Variants in PAMR1 observed in about 807,000 individuals in gnomAD.
The protein encoded by PAMR1 is inactive serine protease PAMR1.
Under a neutral mutation model 81.8 loss-of-function variants are expected in PAMR1, and 88 were observed. The ratio of observed to expected loss-of-function variants is 1.08; its 90% confidence interval spans 0.91 to 1.28. The LOEUF is 1.28. PAMR1 is among the 50% of genes most tolerant of loss of function. The pLI, the probability that PAMR1 is intolerant of heterozygous loss-of-function variation, is 0.00. For missense variants in PAMR1, 935 were observed against 919.7 expected (o/e 1.02, Z -0.21); for synonymous variants, 336 against 345.3 (o/e 0.97, Z 0.30).
At chr11:35,456,434 G>T (rs1296911910) in intron 6 of PAMR1, among the ~76,000 whole-genome samples, 1 of 152,222 alleles carries the variant, frequency 6.6e-6, no homozygotes, top group African/African-American at 2.4e-5. Context: ...CAGGTAGAAT[G>T]CTGAGTTAAA....
Position 35,512,797 on chromosome 11 carries a change from A to C in PAMR1, c.73+12716T>G, listed in dbSNP as rs1486413423. On this transcript the variant is annotated intron_variant, in intron 1 of 10. Transcript: ENST00000619888. ...CTCTTGAGCCCAGGAGTTTGACACC[A>C]GCCTGGACAGCACAGCGAGACCCCA... Among the ~76,000 whole-genome samples, 2 of 152,206 alleles carry C rather than the reference A, an allele frequency of 1.3e-5. 1 individual carries two copies. The highest frequency in any genetic ancestry group is 4.8e-5 in the African/African-American group (2 of 41,450).
chr11:35,479,709 A>C lies in PAMR1; in HGVS notation c.380-4965T>G, dbSNP rs564715865. On this transcript the variant is annotated intron_variant, in intron 3 of 10. Coordinates refer to ENST00000619888, the MANE Select transcript of PAMR1 (RefSeq NM_001001991.3). ...TGAAGACCCTAAGGGCTCTCACATC[A>C]AGAGATGGTTTCGTGGAGAGGATAA... Among the ~76,000 whole-genome samples, 3 of 152,342 alleles carry C rather than the reference A, an allele frequency of 2.0e-5. No homozygotes were observed. The South Asian group carries it at 6.2e-4, about 32-fold the overall frequency.
chr11:35,519,612 CCT>C (rs999606473), intron 1 of PAMR1, among the ~76,000 whole-genome samples: 1 of 152,150 alleles, frequency 6.6e-6, no homozygotes, highest in Non-Finnish European at 1.5e-5. Flanking sequence ...GCCTGGCACC[CCT>C]GTTTCCTCTA....
chr11:35,460,191 G>A (rs1398686213), intron 6 of PAMR1, among the ~76,000 whole-genome samples: 4 of 152,186 alleles, frequency 2.6e-5, no homozygotes, highest in Non-Finnish European at 4.4e-5. Context: ...TTAAGGAAAT[G>A]TGGGGTTCTA....
In PAMR1 at chr11:35,494,271, C is replaced by G. The variant is rs1850682360; in HGVS notation, c.75G>C (p.Glu25Asp). The stretch of plus-strand genomic sequence containing the variant: ...GGCAGGCTTCATTAATGACTGTGTA[C>G]TCTGAAATGGAAAACCAGCAGGTGA... The part of the protein sequence containing the change: ...QLLLISSLPR[E>D]YTVINEACPG... Residue 25 changes from glutamate to aspartate, a missense_variant and splice_region_variant, in exon 2 of 11, where the codon GAG becomes GAC. Glu to Asp is a conservative substitution (Grantham distance 45, BLOSUM62 2). Coordinates refer to ENST00000619888, the MANE Select transcript of PAMR1 (RefSeq NM_001001991.3). 5.6e-6 allele frequency: 9 copies of G among 1,613,466 alleles called. No homozygotes were observed. Among genetic ancestry groups the G allele is most frequent in the Non-Finnish European group, 7.6e-6 (9 of 1,179,664 alleles).
At chr11:35,483,987 T>G in intron 3 of PAMR1, among the ~76,000 whole-genome samples, 1 of 152,198 alleles carries the variant, frequency 6.6e-6, no homozygotes, top group East Asian at 1.9e-4. Flanking sequence ...TTATCTTTCT[T>G]CTCTGGCCCT....
intron 6 of PAMR1, among the ~76,000 whole-genome samples, chr11:35,445,010 T>C (rs751723299): frequency 2.0e-5 from 3 of 152,232 alleles, no homozygotes; most frequent in Non-Finnish European, 2.9e-5. Flanking sequence ...TCCTCTCTGA[T>C]TTCCTTGAGC....
upstream of PAMR1, among the ~76,000 whole-genome samples, chr11:35,527,641 A>G (rs987073776): frequency 6.6e-6 from 1 of 152,198 alleles, no homozygotes; most frequent in African/African-American, 2.4e-5. Flanking sequence ...GGGAGTGGGA[A>G]GAAGATGACT....
chr11:35,490,110 G>A (rs917020828), intron 3 of PAMR1, among the ~76,000 whole-genome samples: 3 of 152,352 alleles, frequency 2.0e-5, no homozygotes, highest in Admixed American at 6.5e-5. Context: ...AGGCAAGAGA[G>A]CTTATGCAGG....
intron 6 of PAMR1, among the ~76,000 whole-genome samples, chr11:35,464,220 A>G (rs747007717): frequency 2.0e-5 from 3 of 152,258 alleles, no homozygotes; most frequent in African/African-American, 7.2e-5. Flanking sequence ...AGCAATATCA[A>G]GTCCATCTTA....
rs1590309412 is a variant in PAMR1, at chr11:35,432,282, C to T, written c.*74G>A. 2 of 1,402,078 alleles carry T rather than the reference C, an allele frequency of 1.4e-6. No individual in the cohort carries two copies. The highest frequency in any genetic ancestry group is 4.6e-5 in the East Asian group (2 of 43,728). The allele number at this position is 1,402,078 out of a possible 1,614,324, so 86.9% of individuals were successfully genotyped here. ...CACAGGCCAAATCACACTTCAGGCC[C>T]ACACTGCTTCACGCAATGACACACG... is the stretch of plus-strand genomic sequence containing the variant. On this transcript the variant is annotated 3_prime_UTR_variant, in exon 11 of 11. Transcript: ENST00000619888.
intron 6 of PAMR1, among the ~76,000 whole-genome samples, chr11:35,458,019 C>T (rs1192956154): frequency 6.6e-6 from 1 of 152,096 alleles, no homozygotes; most frequent in Non-Finnish European, 1.5e-5. Context: ...GTAGAAGGAG[C>T]ATAAAAGTAC....
At position 35,434,818 on chromosome 11, in the gene PAMR1, A is replaced by T. The variant is rs1186972612; in HGVS notation, c.1334-14T>A. Reference sequence around the variant, plus strand: ...TTTTCCCGCAGACTATGGAGAAAGTACCAGCTTAGTAAGATAAACTCAGAC... The same window carrying T: ...TTTTCCCGCAGACTATGGAGAAAGTTCCAGCTTAGTAAGATAAACTCAGAC... On this transcript the variant is annotated splice_polypyrimidine_tract_variant and intron_variant, in intron 9 of 10. Coordinates refer to ENST00000619888, the MANE Select transcript of PAMR1 (RefSeq NM_001001991.3). The T allele has an allele frequency of 6.2e-7, 1 of 1,609,190 alleles. No homozygotes were observed. Among genetic ancestry groups the T allele is most frequent in the Non-Finnish European group, 8.5e-7 (1 of 1,176,218 alleles).
At chr11:35,465,564 G>A (rs1856742187) in intron 6 of PAMR1, among the ~76,000 whole-genome samples, 1 of 152,112 alleles carries the variant, frequency 6.6e-6, no homozygotes, top group South Asian at 2.1e-4. Context: ...CATTTTTTGT[G>A]ACGTGTCCCC....
intron 6 of PAMR1, among the ~76,000 whole-genome samples, chr11:35,445,302 T>G (rs1856266910): frequency 6.6e-6 from 1 of 152,252 alleles, no homozygotes; most frequent in Non-Finnish European, 1.5e-5. Context: ...AAAATTTGAC[T>G]TCCTCTCTTC....
intron 1 of PAMR1, among the ~76,000 whole-genome samples, chr11:35,517,111 A>G (rs1195186234): frequency 6.6e-6 from 1 of 152,216 alleles, no homozygotes; most frequent in East Asian, 1.9e-4. Context: ...ACTCCCCCAG[A>G]CTGCCACATC....
chr11:35,466,726 CA>C (rs71044519), intron 6 of PAMR1, among the ~76,000 whole-genome samples: 2,797 of 63,922 alleles, frequency 0.044, 34 homozygotes, highest in Admixed American at 0.1. Context: ...GGCTCTATCT[CA>C]AAAAAAAAAA....
chr11:35,498,253 A>C (rs1375293486), intron 1 of PAMR1, among the ~76,000 whole-genome samples: 1 of 152,204 alleles, frequency 6.6e-6, no homozygotes, highest in Non-Finnish European at 1.5e-5. Context: ...AATTGTGAAA[A>C]GTCGAGGAGG....
chr11:35,529,183 TG>T (rs201701749), upstream of PAMR1, among the ~76,000 whole-genome samples: 948 of 152,348 alleles, frequency 6.2e-3, 20 homozygotes, highest in Admixed American at 0.043. Flanking sequence ...CTGGTTGAGA[TG>T]GGGTTTTTTG....
Sources: gnomAD v4.1 joint callset for allele counts (sites outside exome capture counted in the v4.1 genomes callset) on GRCh38, gnomAD v4.1.1 for gene constraint, MANE v1.5 for transcripts, NCBI Gene and HGNC (gene_info 2026-07-23, HGNC 2026-07-21) for gene names.